The following SGCG variants were observed in gnomAD, a reference collection of about 807,000 sequenced individuals.
SGCG encodes the protein gamma-sarcoglycan.
Under a neutral mutation model 29.3 loss-of-function variants are expected in SGCG, and 26 were observed. The ratio of observed to expected loss-of-function variants is 0.89; its 90% CI spans 0.65 to 1.23. The LOEUF is 1.23. Ranked by LOEUF, SGCG falls within the 50% of genes most tolerant of loss-of-function variation. The pLI is 0.00. For missense variants in SGCG, 353 were observed against 356.0 expected (o/e 0.99, Z 0.07); for synonymous variants, 145 against 129.7 (o/e 1.12, Z -0.80).
intron 7 of SGCG, among the ~76,000 whole-genome samples, chr13:23,323,051 G>A (rs1046032754): frequency 6.6e-6 from 1 of 152,082 alleles, no homozygotes; most frequent in African/African-American, 2.4e-5. Flanking sequence ...TGTAGTAAAG[G>A]TGTAGGTGGA....
the SGCG span, among the ~76,000 whole-genome samples, chr13:23,166,691 T>A: frequency 6.6e-6 from 1 of 152,164 alleles, no homozygotes; most frequent in Non-Finnish European, 1.5e-5. Flanking sequence ...AAATGGGAGG[T>A]CTGCTCTGCA....
At chr13:23,174,974 G>A in the SGCG span, among the ~76,000 whole-genome samples, 1 of 152,266 alleles carries the variant, frequency 6.6e-6, no homozygotes, top group African/African-American at 2.4e-5. Flanking sequence ...ACAGGTGGAG[G>A]ATGGAGCAGC....
intron 2 of SGCG, among the ~76,000 whole-genome samples, chr13:23,216,470 A>C (rs1878432578): frequency 6.6e-6 from 1 of 152,282 alleles, no homozygotes; most frequent in South Asian, 2.1e-4. Context: ...GATAACAAAA[A>C]ATTACTGAAG....
chr13:23,232,999 C>T, intron 2 of SGCG, among the ~76,000 whole-genome samples: 1 of 152,116 alleles, frequency 6.6e-6, no homozygotes, highest in Non-Finnish European at 1.5e-5. Context: ...CCATGGTAAA[C>T]AGTATGGCAG....
intron 3 of SGCG, chr13:23,247,109 C>T: frequency 6.1e-6 from 1 of 164,476 alleles, no homozygotes. Context: ...GAGAGATTGC[C>T]AGAATCAAAG....
chr13:23,212,521 C>T (rs1878265894), intron 2 of SGCG, among the ~76,000 whole-genome samples: 1 of 152,058 alleles, frequency 6.6e-6, no homozygotes, highest in Non-Finnish European at 1.5e-5. Context: ...GGGATGTATT[C>T]TTTTTATTTC....
At chr13:23,256,070 A>G (rs1298397296) in intron 4 of SGCG, among the ~76,000 whole-genome samples, 1 of 152,226 alleles carries the variant, frequency 6.6e-6, no homozygotes, top group Non-Finnish European at 1.5e-5. Context: ...AGCCAAAGCT[A>G]GTTGACAATA....
rs575091588 is a variant in SGCG, at chr13:23,310,125, T to C, written c.579-10512T>C. Among the ~76,000 whole-genome samples the C allele has an allele frequency of 2.8e-3, 363 of 130,752 alleles. 5 individuals are homozygous for C. The highest frequency in any genetic ancestry group is 7.2e-3 in the South Asian group (28 of 3,916). The allele number at this position is 130,752 out of a possible 152,430, so 85.8% of individuals were successfully genotyped here. On this transcript the variant is annotated intron_variant, in intron 6 of 7. Transcript: ENST00000218867. ...TTTTTTAGACGGAGTCTTGCTCTGT[T>C]GCCCAGGCTGGAGTGCAGTGACACG...
At chr13:23,177,568 CTT>C (rs71100158), upstream of SGCG, among the ~76,000 whole-genome samples, 1,103 of 76,282 alleles carry the variant, frequency 0.014, no homozygotes, top group East Asian at 0.072. Context: ...TGTGAGCAGG[CTT>C]TTTTTTTTTT....
At chr13:23,286,437 C>A (rs144303557) in intron 5 of SGCG, among the ~76,000 whole-genome samples, 1 of 152,154 alleles carries the variant, frequency 6.6e-6, no homozygotes, top group Admixed American at 6.5e-5. Context: ...TTTCAAAGAT[C>A]GGTAACCTTA....
intron 1 of SGCG, among the ~76,000 whole-genome samples, chr13:23,194,849 G>T (rs1482565820): frequency 1.3e-5 from 2 of 152,092 alleles, no homozygotes; most frequent in Non-Finnish European, 2.9e-5. Context: ...CACTATAACA[G>T]TATACAGAAG....
intron 6 of SGCG, among the ~76,000 whole-genome samples, chr13:23,309,166 C>A (rs1882466319): frequency 6.6e-6 from 1 of 151,664 alleles, no homozygotes; most frequent in African/African-American, 2.4e-5. Context: ...TTGATTTTTT[C>A]ATGATAGTTT....
In SGCG at chr13:23,247,325, T is replaced by C. The variant is rs535450711; in HGVS notation, c.298-3305T>C. ...TGGCATGGAGTAAACCAGGACAGGA[T>C]ATTTTCCTCAAAACCTTTTCGTAAG... is the stretch of plus-strand genomic sequence containing the variant. On this transcript the variant is annotated intron_variant, in intron 3 of 7. Coordinates refer to ENST00000218867, the MANE Select transcript of SGCG (RefSeq NM_000231.3). 3 of 152,356 alleles carry C rather than the reference T, an allele frequency of 2.0e-5. No homozygotes were observed. In the South Asian group the frequency reaches 6.2e-4, roughly 32 times the overall value. The allele number at this position is 152,356 out of a possible 1,614,324, so 9.4% of individuals were successfully genotyped here.
chr13:23,201,037 T>G (rs1425341254), intron 1 of SGCG, among the ~76,000 whole-genome samples: 1 of 152,092 alleles, frequency 6.6e-6, no homozygotes, highest in African/African-American at 2.4e-5. Flanking sequence ...AGCCGATGCA[T>G]GTTTTGAAAG....
At chr13:23,168,495 G>A in the SGCG span, among the ~76,000 whole-genome samples, 1 of 152,196 alleles carries the variant, frequency 6.6e-6, no homozygotes, top group Non-Finnish European at 1.5e-5. Context: ...GACAGCAGTA[G>A]TAGCCCCAGC....
At chr13:23,180,242 G>C (rs1399166960), upstream of SGCG, among the ~76,000 whole-genome samples, 1 of 152,114 alleles carries the variant, frequency 6.6e-6, no homozygotes, top group East Asian at 1.9e-4. Flanking sequence ...TATTTATTCT[G>C]TTGTCTTTAC....
chr13:23,262,641 A>G (rs1330162975), intron 4 of SGCG, among the ~76,000 whole-genome samples: 1 of 151,918 alleles, frequency 6.6e-6, no homozygotes, highest in Non-Finnish European at 1.5e-5. Context: ...CTTAAACTGT[A>G]CTCTAGAACA....
At chr13:23,165,425 T>A in the SGCG span, among the ~76,000 whole-genome samples, 1 of 151,946 alleles carries the variant, frequency 6.6e-6, no homozygotes, top group East Asian at 1.9e-4. Context: ...TTGGGATGGA[T>A]AAAAAAGAAC....
At chr13:23,295,813 A>T (rs1282512686) in intron 6 of SGCG, among the ~76,000 whole-genome samples, 2 of 152,186 alleles carry the variant, frequency 1.3e-5, no homozygotes, top group South Asian at 2.1e-4. Context: ...ACATCACATC[A>T]GCCATAGGAA....
Sources: gnomAD v4.1 joint callset for allele counts (sites outside exome capture counted in the v4.1 genomes callset) on GRCh38, gnomAD v4.1.1 for gene constraint, MANE v1.5 for transcripts, NCBI Gene and HGNC (gene_info 2026-07-23, HGNC 2026-07-21) for gene names.